LSAMP: variants seen among roughly 807,000 people sequenced by gnomAD.
The protein encoded by LSAMP is limbic system-associated membrane protein.
In LSAMP, 7 loss-of-function variants were observed where a neutral mutation model predicts 38.6. The observed-to-expected ratio is 0.18, with a 90% CI of 0.10 to 0.34. LSAMP has a LOEUF of 0.34. Ranked by LOEUF, LSAMP falls within the 10% of genes least tolerant of loss-of-function variation. The pLI is 1.00. For synonymous variants in LSAMP, 154 were observed against 166.8 expected, an observed-to-expected ratio of 0.92 and a Z score of 0.59; for missense variants, 313 against 420.0, an observed-to-expected ratio of 0.75 and a Z score of 2.23.
At chr3:116,063,551 T>G (rs1206392634) in intron 2 of LSAMP, among the ~76,000 whole-genome samples, 1 of 152,190 alleles carries the variant, frequency 6.6e-6, no homozygotes, top group Non-Finnish European at 1.5e-5. Flanking sequence ...TTGGAGAATG[T>G]TGTTACATTA....
intron 1 of LSAMP, among the ~76,000 whole-genome samples, chr3:116,443,510 G>A (rs948488242): frequency 4.6e-5 from 7 of 152,068 alleles, no homozygotes; most frequent in South Asian, 2.1e-4. Flanking sequence ...ACACACTTTC[G>A]TCTCTAACAA....
intron 1 of LSAMP, among the ~76,000 whole-genome samples, chr3:116,265,065 C>T (rs893146487): frequency 6.6e-6 from 1 of 151,932 alleles, no homozygotes; most frequent in African/African-American, 2.4e-5. Context: ...CAAGAATGAT[C>T]AAAAGGGACG....
intron 3 of LSAMP, among the ~76,000 whole-genome samples, chr3:115,895,960 A>G (rs1247380891): frequency 1.3e-5 from 2 of 152,096 alleles, no homozygotes. Context: ...GTTTATTATT[A>G]TGAACATCTA....
chr3:115,910,148 T>A (rs7620152), intron 3 of LSAMP, among the ~76,000 whole-genome samples: 19,334 of 152,128 alleles, frequency 0.13, 1,417 homozygotes, highest in Middle Eastern at 0.21. Context: ...ATCAGAAAAA[T>A]TAAGCAAAGT....
chr3:115,843,007 T>C (rs1189657706), intron 4 of LSAMP, among the ~76,000 whole-genome samples: 1 of 152,260 alleles, frequency 6.6e-6, no homozygotes, highest in Non-Finnish European at 1.5e-5. Flanking sequence ...TAGTTTGAGA[T>C]GGCCTTGAGG....
At chr3:115,926,576 C>T (rs1222254258) in intron 3 of LSAMP, among the ~76,000 whole-genome samples, 1 of 152,170 alleles carries the variant, frequency 6.6e-6, no homozygotes, top group Non-Finnish European at 1.5e-5. Flanking sequence ...CTCAGCTTCC[C>T]TCATGAGAAA....
intron 1 of LSAMP, among the ~76,000 whole-genome samples, chr3:116,296,691 T>C (rs1441907343): frequency 1.4e-5 from 1 of 71,380 alleles, no homozygotes; most frequent in African/African-American, 7.6e-5. Flanking sequence ...CGTGACTCTG[T>C]CTCAAAAAAA....
chr3:116,335,844 G>A (rs543306704), intron 1 of LSAMP, among the ~76,000 whole-genome samples: 2 of 152,092 alleles, frequency 1.3e-5, no homozygotes, highest in African/African-American at 4.8e-5. Context: ...TACTGAAAGC[G>A]AAAAACACAA....
intron 1 of LSAMP, among the ~76,000 whole-genome samples, chr3:116,257,862 T>A (rs1368555439): frequency 6.6e-6 from 1 of 152,130 alleles, no homozygotes; most frequent in East Asian, 1.9e-4. Flanking sequence ...TTGTTGCACT[T>A]CCGTTATTGA....
rs535055677 is a variant in LSAMP, at chr3:116,091,473, A to C, written c.156-4917T>G. Among the ~76,000 whole-genome samples the C allele has an allele frequency of 5.3e-5, 8 of 152,342 alleles. No individual in the cohort carries two copies. The East Asian group carries it at 1.5e-3, about 29-fold the overall frequency. The stretch of plus-strand genomic sequence containing the variant: ...AAGGGTATTGATTGGGGAAGTGAGA[A>C]GTGTCCATGAACTCTTCGCAATTTA... On this transcript the variant is annotated intron_variant, in intron 1 of 6. Coordinates refer to ENST00000490035, the MANE Select transcript of LSAMP (RefSeq NM_002338.5).
intron 1 of LSAMP, among the ~76,000 whole-genome samples, chr3:116,273,853 G>A (rs936071275): frequency 1.4e-4 from 19 of 138,736 alleles, no homozygotes; most frequent in African/African-American, 1.7e-4. Flanking sequence ...CTTAATGGTC[G>A]TCTGGGCTTA....
intron 1 of LSAMP, among the ~76,000 whole-genome samples, chr3:116,322,368 T>C (rs1014857000): frequency 2.0e-5 from 3 of 152,220 alleles, no homozygotes; most frequent in African/African-American, 7.2e-5. Flanking sequence ...GGCCTGCTTA[T>C]TCAACCAGAA....
chr3:116,245,838 T>C (rs926134017), intron 1 of LSAMP, among the ~76,000 whole-genome samples: 2 of 152,158 alleles, frequency 1.3e-5, no homozygotes, highest in South Asian at 2.1e-4. Flanking sequence ...AAATGGGATG[T>C]ACTTCAGAAA....
At chr3:115,816,446 C>G (rs1300613670) in intron 6 of LSAMP, among the ~76,000 whole-genome samples, 2 of 152,086 alleles carry the variant, frequency 1.3e-5, no homozygotes, top group East Asian at 1.9e-4. Context: ...TGATCAGGAA[C>G]TTTTTGTAAA....
At chr3:116,229,259 A>C (rs561438845) in intron 1 of LSAMP, among the ~76,000 whole-genome samples, 4 of 152,156 alleles carry the variant, frequency 2.6e-5, no homozygotes, top group African/African-American at 9.6e-5. Flanking sequence ...TATTTACTTA[A>C]GAAAAAAGAG....
At chr3:115,919,917 C>G (rs1479102397) in intron 3 of LSAMP, among the ~76,000 whole-genome samples, 2 of 152,168 alleles carry the variant, frequency 1.3e-5, no homozygotes, top group Non-Finnish European at 2.9e-5. Flanking sequence ...AGCCCTTTGA[C>G]TACTTTAGAT....
At chr3:116,007,432 C>T (rs942459909) in intron 3 of LSAMP, among the ~76,000 whole-genome samples, 11 of 152,118 alleles carry the variant, frequency 7.2e-5, no homozygotes, top group African/African-American at 2.7e-4. Context: ...GAATTGCAGC[C>T]TCAGTGTACT....
intron 3 of LSAMP, among the ~76,000 whole-genome samples, chr3:115,992,354 T>G (rs1364608663): frequency 6.6e-6 from 1 of 151,966 alleles, no homozygotes; most frequent in Non-Finnish European, 1.5e-5. Context: ...ACTCTCCTCC[T>G]CCAGGTCAAA....
chr3:116,295,963 T>C (rs2047327419), intron 1 of LSAMP, among the ~76,000 whole-genome samples: 1 of 152,176 alleles, frequency 6.6e-6, no homozygotes, highest in South Asian at 2.1e-4. Flanking sequence ...GACATTAAAA[T>C]CTAGGTTATA....
Sources: allele counts gnomAD v4.1 joint callset (sites outside exome capture counted in the v4.1 genomes callset), GRCh38; gene constraint gnomAD v4.1.1; transcripts MANE v1.5; gene names NCBI Gene and HGNC (gene_info 2026-07-23, HGNC 2026-07-21).